Variants in MCUB observed in about 807,000 individuals in gnomAD.
MCUB encodes the protein mitochondrial calcium uniporter dominant negative subunit beta.
A neutral mutation model predicts 41.4 loss-of-function variants in MCUB; 46 were observed. The observed-to-expected ratio is 1.11, with a 90% confidence interval of 0.88 to 1.42. The LOEUF (loss-of-function observed/expected upper bound fraction) is 1.42, where lower values mean the gene tolerates loss of function less well. Among genes scored for constraint, MCUB ranks in the 40% most tolerant of loss-of-function variants. The probability of loss-of-function intolerance (pLI) is 0.00; values close to 1 mark genes in which losing one functional copy is unlikely to be tolerated. For synonymous variants in MCUB, 148 were observed against 148.2 expected, an observed-to-expected ratio of 1.00 and a Z score of 0.01; for missense variants, 403 against 404.9, an observed-to-expected ratio of 1.00 and a Z score of 0.04.
intron 1 of MCUB, among the ~76,000 whole-genome samples, chr4:109,582,363 T>A (rs1727199669): frequency 9.3e-6 from 1 of 107,260 alleles, no homozygotes; most frequent in African/African-American, 3.7e-5. Flanking sequence ...AACATCACAC[T>A]CTGGGGCCTG....
Position 109,684,553 on chromosome 4 carries a change from G to A in MCUB, c.723G>A (p.Trp241Ter). ...QGGALAWLTWWVYSWDIMEPV... is the reference protein window; with the variant it reads ...QGGALAWLTW ...GGGCACTGGCCTGGCTCACGTGGTG[G>A]GTGTACTCCTGGGATATCATGGAGC... Residue 241 changes from tryptophan to a stop codon, truncating the protein, a stop_gained, in exon 6 of 8, where the codon TGG (tryptophan) becomes TGA (stop). Coordinates refer to ENST00000394650, the MANE Select transcript of MCUB (RefSeq NM_017918.5). LOFTEE classifies it high-confidence loss of function. 4 of 1,610,266 alleles carry A rather than the reference G, an allele frequency of 2.5e-6. No individual in the cohort carries two copies. Among genetic ancestry groups the A allele is most frequent in the Non-Finnish European group, 3.4e-6 (4 of 1,176,596 alleles).
chr4:109,654,685 C>T (rs1729049510), intron 1 of MCUB, among the ~76,000 whole-genome samples: 1 of 152,104 alleles, frequency 6.6e-6, no homozygotes, highest in Non-Finnish European at 1.5e-5. Context: ...TCACATGGGC[C>T]ACTTTTAGTC....
chr4:109,605,492 T>G (rs1727849126), intron 1 of MCUB, among the ~76,000 whole-genome samples: 1 of 152,250 alleles, frequency 6.6e-6, no homozygotes, highest in Admixed American at 6.5e-5. Context: ...AAGAGAAGAT[T>G]GTGTATTCTA....
intron 1 of MCUB, among the ~76,000 whole-genome samples, chr4:109,622,499 G>A (rs1383979022): frequency 6.6e-6 from 1 of 152,156 alleles, no homozygotes; most frequent in Admixed American, 6.5e-5. Flanking sequence ...AAAGATATCT[G>A]GAACTTTAGA....
At chr4:109,597,974 C>G (rs1258068850) in intron 1 of MCUB, among the ~76,000 whole-genome samples, 1 of 148,482 alleles carries the variant, frequency 6.7e-6, no homozygotes. Flanking sequence ...GGGGCAGAGG[C>G]GCTCCCCACA....
At chr4:109,663,347 G>T (rs1398161387) in intron 3 of MCUB, among the ~76,000 whole-genome samples, 1 of 152,134 alleles carries the variant, frequency 6.6e-6, no homozygotes, top group African/African-American at 2.4e-5. Context: ...TTAAAGTTTG[G>T]TTCAAAAATA....
chr4:109,653,123 TC>T (rs1312104023), intron 1 of MCUB, among the ~76,000 whole-genome samples: 2 of 152,314 alleles, frequency 1.3e-5, no homozygotes, highest in East Asian at 3.9e-4. Flanking sequence ...ACGCCTGTAA[TC>T]CCAGCACTTT....
chr4:109,607,381 C>G (rs1480941423), intron 1 of MCUB, among the ~76,000 whole-genome samples: 1 of 152,130 alleles, frequency 6.6e-6, no homozygotes, highest in Non-Finnish European at 1.5e-5. Context: ...CCACGCCCGG[C>G]TAATTTTTGT....
chr4:109,609,143 A>G (rs897486679), intron 1 of MCUB, among the ~76,000 whole-genome samples: 1 of 152,186 alleles, frequency 6.6e-6, no homozygotes, highest in Admixed American at 6.5e-5. Context: ...AGGGCTCCCA[A>G]TCCAGACCCC....
At chr4:109,598,617 CGGGAGAGGGAGA>C (rs368384252) in intron 1 of MCUB, among the ~76,000 whole-genome samples, 13 of 151,498 alleles carry the variant, frequency 8.6e-5, no homozygotes, top group Non-Finnish European at 1.3e-4. Flanking sequence ...GGTGGGGAGA[CGGGAGAGGGAGA>C]GGGAGAGGGA....
chr4:109,682,455 G>T, intron 4 of MCUB, 127 bp from the exon 5 acceptor site: 1 of 725,672 alleles, frequency 1.4e-6, no homozygotes, highest in Non-Finnish European at 2.3e-6. Flanking sequence ...TTACATGTTT[G>T]TACACCAGCT....
Position 109,688,414 on chromosome 4 carries a change from A to G in MCUB, c.*822A>G, listed in dbSNP as rs1383143406. On this transcript the variant is annotated 3_prime_UTR_variant, in exon 8 of 8. Coordinates refer to ENST00000394650, the MANE Select transcript of MCUB (RefSeq NM_017918.5). ...ATCAGATTTTGCAGGTGTTCAACCT[A>G]TAGTGGCTAAGAATTATGTTTTCTA... 4 of 152,260 alleles carry G rather than the reference A, an allele frequency of 2.6e-5. No individual in the cohort carries two copies. Among genetic ancestry groups the G allele is most frequent in the Non-Finnish European group, 4.4e-5 (3 of 68,054 alleles). 9.4% of individuals were successfully genotyped at this position (152,260 alleles called of 1,614,324 possible). A position where few individuals can be genotyped will look rare whatever the true frequency, so the allele number is the denominator to read the frequency against.
intron 1 of MCUB, among the ~76,000 whole-genome samples, chr4:109,598,272 G>A (rs1402976820): frequency 3.3e-5 from 5 of 151,824 alleles, no homozygotes; most frequent in Non-Finnish European, 5.9e-5. Context: ...GTAGCGAGCC[G>A]AGATCATGCC....
Position 109,625,950 on chromosome 4 carries a change from T to G in MCUB, c.100-33061T>G, listed in dbSNP as rs1388425070. ...AAGTCTTTTCCTTAATGATTTTTCC[T>G]TAATGCATTCGTCCTCAGTGTTAAA... On this transcript the variant is annotated intron_variant, in intron 1 of 7. Coordinates refer to ENST00000394650, the MANE Select transcript of MCUB (RefSeq NM_017918.5). 2.0e-5 allele frequency among the ~76,000 whole-genome samples: 3 copies of G among 152,216 alleles called. No individual in the cohort carries two copies. In the East Asian group the frequency reaches 5.8e-4, roughly 29 times the overall value.
At chr4:109,586,109 T>C (rs1219348546) in intron 1 of MCUB, among the ~76,000 whole-genome samples, 1 of 152,244 alleles carries the variant, frequency 6.6e-6, no homozygotes, top group Non-Finnish European at 1.5e-5. Flanking sequence ...AGATTTGGTC[T>C]TTTACCATAG....
rs1295213080 is a variant in MCUB at position 109,670,721 on chromosome 4, AAAAAAAAAAAG to A, written c.451+6333_451+6343del. On this transcript the variant is annotated intron_variant, in intron 4 of 7. Coordinates refer to ENST00000394650, the MANE Select transcript of MCUB (RefSeq NM_017918.5). Reference sequence around the variant, plus strand: ...ACAGAGCGAGGAGACTCTGTCTCCAAAAAAAAAAAAGAAAAAGAAAAAGAACAGAATTCTCT... The same window carrying A: ...ACAGAGCGAGGAGACTCTGTCTCCAAAAAAAGAAAAAGAACAGAATTCTCT... 1.1e-4 allele frequency among the ~76,000 whole-genome samples: 17 copies of A among 147,962 alleles called. No individual in the cohort carries two copies. The East Asian group carries it at 3.3e-3, about 29-fold the overall frequency.
chr4:109,574,285 C>G (rs1726980238), intron 1 of MCUB, among the ~76,000 whole-genome samples: 1 of 152,134 alleles, frequency 6.6e-6, no homozygotes, highest in South Asian at 2.1e-4. Context: ...GGAAATTACT[C>G]CCAAGATAGA....
chr4:109,627,129 T>C (rs866081263), intron 1 of MCUB, among the ~76,000 whole-genome samples: 1 of 152,326 alleles, frequency 6.6e-6, no homozygotes, highest in South Asian at 2.1e-4. Context: ...TCTTCTATTA[T>C]TTACCACTAT....
rs1231723773 is a variant in MCUB, at chr4:109,660,389, A to G, written c.346+24A>G. 3 of 1,433,562 alleles carry G rather than the reference A, an allele frequency of 2.1e-6. No individual in the cohort carries two copies. The African/African-American group carries it at 4.3e-5, about 20-fold the overall frequency. The allele number at this position is 1,433,562 out of a possible 1,614,324, so 88.8% of individuals were successfully genotyped here. ...AGGTATATATGTATATAATTTTACA[A>G]CTTTGTCCCAGGGTTTCTGTCTCTC... On this transcript the variant is annotated intron_variant, in intron 3 of 7. Transcript: ENST00000394650.
Sources: allele counts gnomAD v4.1 joint callset (sites outside exome capture counted in the v4.1 genomes callset), GRCh38; gene constraint gnomAD v4.1.1; transcripts MANE v1.5; gene names NCBI Gene and HGNC (gene_info 2026-07-23, HGNC 2026-07-21).